The following SLC30A8 variants were observed in gnomAD, a reference collection of about 807,000 sequenced individuals.
The protein encoded by SLC30A8 is solute carrier family 30 member 8.
Under a neutral mutation model 36.9 loss-of-function variants are expected in SLC30A8, and 27 were observed. The observed-to-expected ratio is 0.73, with a 90% CI of 0.54 to 1.01. The LOEUF (loss-of-function observed/expected upper bound fraction) is 1.01. SLC30A8 is among the 50% of genes least tolerant of loss of function. SLC30A8 has a pLI of 0.00. For synonymous variants in SLC30A8, 164 were observed against 172.4 expected, an observed-to-expected ratio of 0.95 and a Z score of 0.38; for missense variants, 439 against 452.0, an observed-to-expected ratio of 0.97 and a Z score of 0.26.
chr8:117,160,341 T>G (rs545297370), intron 4 of SLC30A8, among the ~76,000 whole-genome samples: 59 of 152,294 alleles, frequency 3.9e-4, no homozygotes, highest in Non-Finnish European at 6.3e-4. Flanking sequence ...TCTAACTAAA[T>G]CAGATTCCTC....
chr8:117,078,584 C>T (rs1254012686), intron 2 of SLC30A8, among the ~76,000 whole-genome samples: 1 of 152,096 alleles, frequency 6.6e-6, no homozygotes, highest in Non-Finnish European at 1.5e-5. Context: ...AAGTGGGCAT[C>T]ATAAAGTTCA....
chr8:116,979,314 G>A (rs1815175675), intron 1 of SLC30A8, among the ~76,000 whole-genome samples: 1 of 150,678 alleles, frequency 6.6e-6, no homozygotes, highest in Admixed American at 6.6e-5. Context: ...CTCATTCTAG[G>A]TGTGACTGGG....
chr8:117,084,691 G>A (rs1818804522), intron 2 of SLC30A8, among the ~76,000 whole-genome samples: 1 of 152,002 alleles, frequency 6.6e-6, no homozygotes, highest in Non-Finnish European at 1.5e-5. Flanking sequence ...ACTCTAAGTG[G>A]GTGGGGAAGC....
intron 1 of SLC30A8, among the ~76,000 whole-genome samples, chr8:117,016,798 AAATAGTG>A (rs1317202175): frequency 1.3e-5 from 2 of 152,176 alleles, no homozygotes; most frequent in African/African-American, 4.8e-5. Flanking sequence ...ACAGCATGAA[AAATAGTG>A]ATTCTTTCTC....
At chr8:117,114,131 A>G (rs73702966) in intron 2 of SLC30A8, among the ~76,000 whole-genome samples, 2,878 of 152,244 alleles carry the variant, frequency 0.019, 87 homozygotes, top group African/African-American at 0.066. Context: ...GAGAATTCAG[A>G]CACACAGCAC....
At position 117,020,445 on chromosome 8, in the gene SLC30A8, ACTGT is replaced by A. The variant is rs1026125386; in HGVS notation, c.-265-18770_-265-18767del. On this transcript the variant is annotated intron_variant, in intron 1 of 10. Transcript: ENST00000427715. ...TTGGTGAAAATGTGAATTATTACAA[ACTGT>A]CTGGAAAGTAATCTGGTACTAATTA... Among the ~76,000 whole-genome samples, 8 of 152,336 alleles carry A rather than the reference ACTGT, an allele frequency of 5.3e-5. No homozygotes were observed. In the South Asian group the frequency reaches 8.3e-4, roughly 16 times the overall value.
chr8:117,053,346 C>A (rs1817768908), intron 2 of SLC30A8, among the ~76,000 whole-genome samples: 1 of 152,134 alleles, frequency 6.6e-6, no homozygotes, highest in African/African-American at 2.4e-5. Flanking sequence ...ATTCTCAGAT[C>A]CGTTCAGAGA....
At chr8:116,954,842 A>G (rs184364866) in intron 1 of SLC30A8, among the ~76,000 whole-genome samples, 2 of 152,320 alleles carry the variant, frequency 1.3e-5, no homozygotes, top group East Asian at 1.9e-4. Flanking sequence ...GTAGAGATCA[A>G]TGATGTAAAT....
chr8:117,158,664 AC>A (rs1405991528), intron 4 of SLC30A8, among the ~76,000 whole-genome samples: 1 of 152,218 alleles, frequency 6.6e-6, no homozygotes, highest in African/African-American at 2.4e-5. Flanking sequence ...AAAATGAACT[AC>A]TGGATTGCCC....
intron 2 of SLC30A8, among the ~76,000 whole-genome samples, chr8:117,105,456 A>G (rs62510515): frequency 0.058 from 8,759 of 152,218 alleles, 296 homozygotes; most frequent in East Asian, 0.12. Context: ...ATACACACAC[A>G]TATACATATA....
At chr8:117,138,924 T>C (rs1821495503) in intron 1 of SLC30A8, among the ~76,000 whole-genome samples, 1 of 151,978 alleles carries the variant, frequency 6.6e-6, no homozygotes, top group Admixed American at 6.6e-5. Flanking sequence ...AGACTGATGA[T>C]ACATAAGCTG....
rs575527728 is a variant in SLC30A8 at position 116,956,551 on chromosome 8, A to G, written c.-266+5432A>G. On this transcript the variant is annotated intron_variant, in intron 1 of 10. Coordinates refer to the SLC30A8 transcript ENST00000427715. ...AAATCATGCTTACAACGAAAATACA[A>G]TTCATTGGATTTAAAAGCATGTTAA... 3.3e-5 allele frequency among the ~76,000 whole-genome samples: 5 copies of G among 152,316 alleles called. No individual in the cohort carries two copies. The South Asian group carries it at 8.3e-4, about 25-fold the overall frequency.
chr8:116,969,177 G>T (rs1192581788), intron 1 of SLC30A8, among the ~76,000 whole-genome samples: 1 of 152,138 alleles, frequency 6.6e-6, no homozygotes, highest in Non-Finnish European at 1.5e-5. Flanking sequence ...AAGCAATTTG[G>T]GAGGCCGAGG....
At chr8:117,092,212 G>A (rs1029954170) in intron 2 of SLC30A8, among the ~76,000 whole-genome samples, 6 of 152,212 alleles carry the variant, frequency 3.9e-5, no homozygotes, top group Admixed American at 6.5e-5. Context: ...CGTGACTTAC[G>A]AAATACAAAT....
At position 117,172,633 on chromosome 8, in the gene SLC30A8, A is replaced by C. The variant is rs772823274; in HGVS notation, c.1062A>C (p.Pro354=). Residue 354 remains proline (P), a synonymous_variant, in exon 8 of 8, where the codon CCA becomes CCC. Transcript: ENST00000456015. ...MHSLTIQMES[P]VDQDPDCLFC... ...CACTCACCATTCAGATGGAATCTCC[A>C]GTTGACCAGGACCCCGACTGCCTTT... is the stretch of plus-strand genomic sequence containing the variant. 1.2e-6 allele frequency: 2 copies of C among 1,613,720 alleles called. No homozygotes were observed. The highest frequency in any genetic ancestry group is 1.7e-6 in the Non-Finnish European group (2 of 1,179,696).
chr8:117,014,293 TTA>T (rs1563748222), intron 1 of SLC30A8, among the ~76,000 whole-genome samples: 4 of 147,286 alleles, frequency 2.7e-5, no homozygotes, highest in Non-Finnish European at 3.0e-5. Context: ...ACAGTCCTTC[TTA>T]GTTTCCAGAA....
chr8:117,105,360 T>G (rs1046752113), intron 2 of SLC30A8, among the ~76,000 whole-genome samples: 1 of 152,148 alleles, frequency 6.6e-6, no homozygotes, highest in African/African-American at 2.4e-5. Flanking sequence ...ATTTATTTAT[T>G]TATTTATTTA....
intron 1 of SLC30A8, among the ~76,000 whole-genome samples, chr8:116,976,662 A>G (rs893137690): frequency 2.0e-5 from 3 of 152,124 alleles, no homozygotes; most frequent in Non-Finnish European, 2.9e-5. Context: ...GCAGAGGGCA[A>G]TTGACAGGGA....
At chr8:117,135,506 C>T (rs1483519373) in intron 1 of SLC30A8, 108 bp downstream of exon 1, 11 of 676,176 alleles carry the variant, frequency 1.6e-5, no homozygotes, top group African/African-American at 1.3e-4. Flanking sequence ...CTTGGGGGCA[C>T]TCTGGAACAT....
Sources: gnomAD v4.1 joint callset for allele counts (sites outside exome capture counted in the v4.1 genomes callset) on GRCh38, gnomAD v4.1.1 for gene constraint, MANE v1.5 for transcripts, NCBI Gene and HGNC (gene_info 2026-07-23, HGNC 2026-07-21) for gene names.